STXBP5L: variants seen among roughly 807,000 people sequenced by gnomAD.
The protein encoded by STXBP5L is syntaxin-binding protein 5-like.
STXBP5L carries 65 observed loss-of-function variants against 144.5 expected under a neutral mutation model. The ratio of observed to expected loss-of-function variants is 0.45; its 90% CI spans 0.37 to 0.55. The LOEUF (loss-of-function observed/expected upper bound fraction) is 0.55, where lower values mean the gene tolerates loss of function less well. STXBP5L is among the 20% of genes least tolerant of loss of function. The probability of loss-of-function intolerance (pLI) is 0.00; values close to 1 mark genes in which losing one functional copy is unlikely to be tolerated. For missense variants in STXBP5L, 1,298 were observed against 1,405.5 expected, an observed-to-expected ratio of 0.92 and a Z score of 1.22; for synonymous variants, 505 against 469.6, an observed-to-expected ratio of 1.08 and a Z score of -0.97.
chr3:120,967,449 G>A (rs1268433732), intron 3 of STXBP5L, among the ~76,000 whole-genome samples: 1 of 152,186 alleles, frequency 6.6e-6, no homozygotes, highest in Non-Finnish European at 1.5e-5. Context: ...ATTTTCTAGA[G>A]TAGCGCTAAG....
intron 25 of STXBP5L, among the ~76,000 whole-genome samples, chr3:121,417,898 CAGAAAGAGAG>C (rs1348994223): frequency 1.3e-5 from 2 of 151,742 alleles, no homozygotes; most frequent in African/African-American, 2.4e-5. Flanking sequence ...GAGAGAGAGA[CAGAAAGAGAG>C]AGAAAGAGAA....
intron 20 of STXBP5L, among the ~76,000 whole-genome samples, chr3:121,372,407 C>T (rs1426903477): frequency 6.6e-6 from 1 of 152,158 alleles, no homozygotes; most frequent in Non-Finnish European, 1.5e-5. Context: ...CCACACCAAA[C>T]CCTCTGGGCG....
chr3:121,343,583 A>G (rs1243517628), intron 20 of STXBP5L, among the ~76,000 whole-genome samples: 2 of 152,132 alleles, frequency 1.3e-5, no homozygotes, highest in African/African-American at 4.8e-5. Flanking sequence ...CAAAAATCAC[A>G]AGCATTCTTA....
At chr3:120,980,352 A>C (rs1021051199) in intron 3 of STXBP5L, among the ~76,000 whole-genome samples, 2 of 151,828 alleles carry the variant, frequency 1.3e-5, no homozygotes, top group Admixed American at 1.3e-4. Context: ...TTTGCTATTT[A>C]TCTCTTAGTT....
chr3:121,168,876 C>T (rs1270487240), intron 9 of STXBP5L, among the ~76,000 whole-genome samples: 10 of 151,692 alleles, frequency 6.6e-5, no homozygotes, highest in African/African-American at 2.4e-4. Flanking sequence ...AGCATCCCCA[C>T]GACACAATTG....
chr3:121,313,092 G>T (rs1487128830), intron 19 of STXBP5L, among the ~76,000 whole-genome samples: 1 of 146,086 alleles, frequency 6.8e-6, no homozygotes, highest in Non-Finnish European at 1.5e-5. Flanking sequence ...GCGGGGGGCT[G>T]ACCCCCCCAC....
chr3:121,215,406 A>C (rs966749888), intron 10 of STXBP5L, among the ~76,000 whole-genome samples: 1 of 152,210 alleles, frequency 6.6e-6, no homozygotes, highest in African/African-American at 2.4e-5. Context: ...TTGTGGTGGC[A>C]AAATCTCTCA....
At chr3:121,022,299 A>T (rs1282498209) in intron 3 of STXBP5L, among the ~76,000 whole-genome samples, 1 of 152,128 alleles carries the variant, frequency 6.6e-6, no homozygotes, top group African/African-American at 2.4e-5. Context: ...ACCAACAACA[A>T]CAAAAAAAGT....
chr3:121,043,026 T>C (rs528828095), intron 4 of STXBP5L, among the ~76,000 whole-genome samples: 1 of 151,922 alleles, frequency 6.6e-6, no homozygotes, highest in Non-Finnish European at 1.5e-5. Context: ...ATGTGATTTG[T>C]ACTGGGTCTG....
intron 2 of STXBP5L, among the ~76,000 whole-genome samples, chr3:120,951,575 C>T (rs959503275): frequency 1.7e-4 from 26 of 152,238 alleles, no homozygotes; most frequent in Admixed American, 9.8e-4. Context: ...CACTGGCCAT[C>T]GGAGAAATGC....
chr3:121,171,666 A>G (rs2108062597), intron 9 of STXBP5L, among the ~76,000 whole-genome samples: 1 of 152,346 alleles, frequency 6.6e-6, no homozygotes, highest in East Asian at 1.9e-4. Context: ...CTCTTCAAGC[A>G]GAACTACAAA....
chr3:121,376,391 T>G, intron 20 of STXBP5L, among the ~76,000 whole-genome samples: 1 of 152,218 alleles, frequency 6.6e-6, no homozygotes, highest in East Asian at 1.9e-4. Flanking sequence ...CTTTAATCCA[T>G]CTGGAGTTAA....
intron 10 of STXBP5L, among the ~76,000 whole-genome samples, chr3:121,216,888 G>C (rs2048796223): frequency 1.3e-5 from 2 of 152,198 alleles, no homozygotes; most frequent in Non-Finnish European, 2.9e-5. Context: ...GCCCAGAGAG[G>C]AGGAATCTAG....
chr3:121,312,287 G>A (rs1577425689), intron 19 of STXBP5L, among the ~76,000 whole-genome samples: 1 of 149,848 alleles, frequency 6.7e-6, no homozygotes, highest in African/African-American at 2.4e-5. Context: ...GCATGGGCAA[G>A]GACTTCATGT....
At chr3:120,938,789 T>C (rs1292455747) in intron 2 of STXBP5L, among the ~76,000 whole-genome samples, 1 of 152,142 alleles carries the variant, frequency 6.6e-6, no homozygotes, top group African/African-American at 2.4e-5. Context: ...CTTTTTCTTT[T>C]TTCTTCTTAG....
intron 3 of STXBP5L, among the ~76,000 whole-genome samples, chr3:120,986,913 G>A (rs927157785): frequency 2.6e-5 from 4 of 151,884 alleles, no homozygotes; most frequent in Non-Finnish European, 4.4e-5. Context: ...AGAAAAGGTG[G>A]AACATAAGTG....
chr3:121,005,044 A>G (rs971475248), intron 3 of STXBP5L, among the ~76,000 whole-genome samples: 1 of 152,282 alleles, frequency 6.6e-6, no homozygotes. Context: ...AGGCTTTGGT[A>G]TCAGGATAAT....
At chr3:121,000,160 G>C (rs935822471) in intron 3 of STXBP5L, among the ~76,000 whole-genome samples, 5 of 152,108 alleles carry the variant, frequency 3.3e-5, no homozygotes, top group African/African-American at 1.2e-4. Flanking sequence ...AACCTCTCTA[G>C]TGAGGTTGGG....
intron 20 of STXBP5L, among the ~76,000 whole-genome samples, chr3:121,331,841 TG>T (rs2044329943): frequency 6.6e-6 from 1 of 152,088 alleles, no homozygotes; most frequent in Non-Finnish European, 1.5e-5. Flanking sequence ...TGCACACCAA[TG>T]GGGAACAAGA....
Sources: allele counts gnomAD v4.1 joint callset (sites outside exome capture counted in the v4.1 genomes callset), GRCh38; gene constraint gnomAD v4.1.1; transcripts MANE v1.5; gene names NCBI Gene and HGNC (gene_info 2026-07-23, HGNC 2026-07-21).